STXBP5: variants seen among roughly 807,000 people sequenced by gnomAD.
STXBP5 encodes syntaxin binding protein 5, also known as syntaxin-binding protein 5.
STXBP5 carries 50 observed loss-of-function variants against 152.4 expected under a neutral mutation model. The observed-to-expected ratio is 0.33, with a 90% CI of 0.26 to 0.42. The LOEUF (loss-of-function observed/expected upper bound fraction) is 0.42. Ranked by LOEUF, STXBP5 falls within the 10% of genes least tolerant of loss-of-function variation. STXBP5 has a pLI of 1.00. For missense variants in STXBP5, 1,167 were observed against 1,388.6 expected (o/e 0.84, Z 2.54); for synonymous variants, 492 against 494.7 (o/e 0.99, Z 0.07).
chr6:147,334,274 GAT>G (rs1372581988), intron 19 of STXBP5, 52 bp downstream of exon 19: 1 of 1,521,456 alleles, frequency 6.6e-7, no homozygotes. Context: ...CAAAATCCAA[GAT>G]AGCATACTAG....
chr6:147,210,891 TTC>T (rs1269061887), intron 2 of STXBP5, among the ~76,000 whole-genome samples: 4 of 152,312 alleles, frequency 2.6e-5, no homozygotes, highest in Admixed American at 2.0e-4. Context: ...GGTCCTTCAT[TTC>T]TCTCAGCGAA....
At chr6:147,219,474 G>C (rs932197037) in intron 2 of STXBP5, among the ~76,000 whole-genome samples, 1 of 152,220 alleles carries the variant, frequency 6.6e-6, no homozygotes, top group Middle Eastern at 3.4e-3. Flanking sequence ...TCTTCTGAAA[G>C]AGACTAGAAA....
chr6:147,344,853 A>G (rs1784251982), intron 21 of STXBP5, among the ~76,000 whole-genome samples: 1 of 152,146 alleles, frequency 6.6e-6, no homozygotes, highest in East Asian at 1.9e-4. Context: ...TCTCTTTGAG[A>G]TGTTGCAAAG....
chr6:147,278,786 C>T (rs75890650), intron 8 of STXBP5, among the ~76,000 whole-genome samples: 1 of 152,086 alleles, frequency 6.6e-6, no homozygotes, highest in Admixed American at 6.5e-5. Context: ...TAGAGGAAAC[C>T]AGGCTCAAGC....
intron 19 of STXBP5, among the ~76,000 whole-genome samples, chr6:147,334,597 C>T (rs1783738569): frequency 6.6e-6 from 1 of 151,910 alleles, no homozygotes; most frequent in Non-Finnish European, 1.5e-5. Context: ...TGAGTGTAGA[C>T]AATTAGAATA....
chr6:147,363,759 T>C (rs914803411), intron 24 of STXBP5, 55 bp downstream of exon 24: 13 of 1,532,240 alleles, frequency 8.5e-6, no homozygotes, highest in Non-Finnish European at 1.1e-5. Context: ...CCTCAAACTA[T>C]ACTACAGAAT....
chr6:147,359,080 T>C lies in STXBP5; in HGVS notation c.2306-4T>C, dbSNP rs756746392. 5.6e-6 allele frequency: 9 copies of C among 1,612,630 alleles called. No individual in the cohort carries two copies. The African/African-American group carries it at 1.2e-4, about 22-fold the overall frequency. Reference sequence around the variant, plus strand: ...CAATCTCACAACATTTTTAACCATTTCAGATGTAAAGGATAACTCCTTTAG... The same window carrying C: ...CAATCTCACAACATTTTTAACCATTCCAGATGTAAAGGATAACTCCTTTAG... On this transcript the variant is annotated splice_region_variant and splice_polypyrimidine_tract_variant and intron_variant, in intron 22 of 27. Transcript: ENST00000321680.
At chr6:147,352,075 A>C (rs1366177373) in intron 21 of STXBP5, among the ~76,000 whole-genome samples, 3 of 152,200 alleles carry the variant, frequency 2.0e-5, no homozygotes, top group Non-Finnish European at 4.4e-5. Flanking sequence ...CTAGATTAAG[A>C]CAATAACTGA....
intron 2 of STXBP5, among the ~76,000 whole-genome samples, chr6:147,219,179 T>G (rs1264740780): frequency 6.6e-6 from 1 of 152,238 alleles, no homozygotes; most frequent in Non-Finnish European, 1.5e-5. Context: ...TCTGCATCAG[T>G]TGATATAATC....
In STXBP5 at chr6:147,367,914, A is replaced by G. The variant is rs184260905; in HGVS notation, c.3081+3748A>G. Reference sequence around the variant, plus strand: ...TTATGCCAAAAATATTCAAAACCTTAGATGAAATGGACAAATTTCTTTAAA... The same window carrying G: ...TTATGCCAAAAATATTCAAAACCTTGGATGAAATGGACAAATTTCTTTAAA... On this transcript the variant is annotated intron_variant, in intron 25 of 27. Transcript: ENST00000321680. Among the ~76,000 whole-genome samples, 88 of 152,236 alleles carry G rather than the reference A, an allele frequency of 5.8e-4. 2 individuals carry two copies. In the South Asian group the frequency reaches 9.9e-3, roughly 17 times the overall value.
At chr6:147,266,270 A>G (rs182683877) in intron 6 of STXBP5, among the ~76,000 whole-genome samples, 30 of 152,212 alleles carry the variant, frequency 2.0e-4, no homozygotes, top group Admixed American at 1.7e-3. Flanking sequence ...GTGGCATTTA[A>G]AAGTTTTAAA....
intron 19 of STXBP5, among the ~76,000 whole-genome samples, chr6:147,337,766 C>T (rs919556706): frequency 2.0e-4 from 30 of 151,930 alleles, no homozygotes; most frequent in Non-Finnish European, 3.1e-4. Context: ...TATTTCTGTT[C>T]CTGGAAATGT....
chr6:147,369,974 T>A (rs893068075), intron 25 of STXBP5, among the ~76,000 whole-genome samples: 1 of 152,018 alleles, frequency 6.6e-6, no homozygotes, highest in African/African-American at 2.4e-5. Flanking sequence ...GCCGCTTTAT[T>A]TGTAATAGCC....
chr6:147,282,977 TA>T (rs576247013), intron 8 of STXBP5, among the ~76,000 whole-genome samples: 5,073 of 145,308 alleles, frequency 0.035, 270 homozygotes, highest in African/African-American at 0.12. Context: ...GCTGATGAGC[TA>T]AAAAAAAAAA....
chr6:147,345,751 G>T (rs1252103144), intron 21 of STXBP5, among the ~76,000 whole-genome samples: 1 of 152,058 alleles, frequency 6.6e-6, no homozygotes, highest in East Asian at 1.9e-4. Flanking sequence ...GGACACAGTG[G>T]GTAGAAAAAC....
intron 4 of STXBP5, among the ~76,000 whole-genome samples, chr6:147,244,954 TC>T (rs761091514): frequency 2.6e-4 from 40 of 151,850 alleles, no homozygotes; most frequent in Admixed American, 2.6e-4. Context: ...ATTATTTTCT[TC>T]ATATTTATAC....
chr6:147,381,751 G>A (rs766178292), intron 26 of STXBP5, among the ~76,000 whole-genome samples: 7 of 152,026 alleles, frequency 4.6e-5, no homozygotes, highest in Admixed American at 3.9e-4. Flanking sequence ...AACCTTTGAC[G>A]TTACTCTCAG....
intron 14 of STXBP5, among the ~76,000 whole-genome samples, chr6:147,315,201 GTGT>G (rs1453120366): frequency 2.0e-5 from 3 of 151,992 alleles, no homozygotes; most frequent in African/African-American, 7.3e-5. Context: ...GAAGCAAACT[GTGT>G]TGTTTATTAT....
intron 5 of STXBP5, 74 bp downstream of exon 5, chr6:147,260,823 T>G: frequency 1.3e-6 from 2 of 1,494,754 alleles, no homozygotes; most frequent in Admixed American, 4.3e-5. Flanking sequence ...TCATAGCCAA[T>G]CAGTAAATCT....
Sources: allele counts gnomAD v4.1 joint callset (sites outside exome capture counted in the v4.1 genomes callset), GRCh38; gene constraint gnomAD v4.1.1; transcripts MANE v1.5; gene names NCBI Gene and HGNC (gene_info 2026-07-23, HGNC 2026-07-21).